Variants in TTC3 observed in about 807,000 individuals in gnomAD.
TTC3 encodes E3 ubiquitin-protein ligase TTC3.
In TTC3, 180 loss-of-function variants were observed where a neutral mutation model predicts 249.6. That is an observed-to-expected ratio of 0.72 (90% CI 0.64 to 0.82). The LOEUF (loss-of-function observed/expected upper bound fraction) is 0.82. Ranked by LOEUF, TTC3 falls within the 40% of genes least tolerant of loss-of-function variation. TTC3 has a pLI of 0.00. For missense variants in TTC3, 2,061 were observed against 2,398.4 expected, an observed-to-expected ratio of 0.86 and a Z score of 2.94; for synonymous variants, 717 against 805.0, an observed-to-expected ratio of 0.89 and a Z score of 1.85.
chr21:37,192,213 G>A (rs376733829), exon 41 of TTC3: 160 of 1,587,762 alleles, frequency 1.0e-4, no homozygotes, highest in Middle Eastern at 1.7e-4. Context: ...CCTGTAACAC[G>A]GTAAGTCTAG....
intron 10 of TTC3, chr21:37,107,770 T>A (rs1316196454): frequency 1.3e-5 from 2 of 152,224 alleles, no homozygotes; most frequent in African/African-American, 4.8e-5. Context: ...CATGCAGAAA[T>A]AGTACAGAAA....
chr21:37,078,831 G>A (rs1048877627), intron 1 of TTC3, among the ~76,000 whole-genome samples: 7 of 151,960 alleles, frequency 4.6e-5, no homozygotes, highest in Non-Finnish European at 8.8e-5. Flanking sequence ...TTATACTTAC[G>A]TTCAATGGAA....
At chr21:37,148,933 C>T (rs1201440288) in intron 23 of TTC3, among the ~76,000 whole-genome samples, 1 of 139,180 alleles carries the variant, frequency 7.2e-6, no homozygotes, top group East Asian at 2.5e-4. Context: ...CCCAAGTGAT[C>T]CTACTTCAGC....
chr21:37,150,043 C>A (rs1281814342), intron 23 of TTC3, 35 bp from the exon 24 acceptor site: 1 of 1,448,656 alleles, frequency 6.9e-7, no homozygotes, highest in Non-Finnish European at 9.5e-7. Context: ...CTAGACATAA[C>A]ATTTTTCTTG....
chr21:37,175,945 A>G (rs940800663), intron 35 of TTC3, among the ~76,000 whole-genome samples: 22 of 151,560 alleles, frequency 1.5e-4, no homozygotes, highest in African/African-American at 4.8e-4. Flanking sequence ...TAATTTTTGT[A>G]TTTTTAGTAG....
intron 11 of TTC3, among the ~76,000 whole-genome samples, chr21:37,116,911 T>C (rs1187228658): frequency 6.6e-6 from 1 of 152,154 alleles, no homozygotes; most frequent in African/African-American, 2.4e-5. Flanking sequence ...TTTACGTAAT[T>C]TAAAAAAAGC....
chr21:37,169,188 T>G (rs1438783577), intron 34 of TTC3, among the ~76,000 whole-genome samples: 1 of 152,194 alleles, frequency 6.6e-6, no homozygotes, highest in African/African-American at 2.4e-5. Flanking sequence ...CTGCACAGGA[T>G]TAATTTGAAA....
intron 17 of TTC3, among the ~76,000 whole-genome samples, chr21:37,134,189 C>T (rs2077717311): frequency 6.6e-6 from 1 of 152,088 alleles, no homozygotes; most frequent in South Asian, 2.1e-4. Flanking sequence ...CAGGGTCTCA[C>T]ACCTGTAATC....
intron 14 of TTC3, among the ~76,000 whole-genome samples, chr21:37,125,745 T>C (rs1238832042): frequency 1.3e-5 from 2 of 152,124 alleles, no homozygotes; most frequent in Non-Finnish European, 2.9e-5. Flanking sequence ...ATTTATATTT[T>C]AAAAATAGTT....
At chr21:37,135,310 C>A in intron 17 of TTC3, 70 bp from the exon 18 acceptor site, 1 of 1,484,112 alleles carries the variant, frequency 6.7e-7, no homozygotes, top group Non-Finnish European at 9.1e-7. Context: ...TTACTATGAA[C>A]TTGGCATCTT....
intron 34 of TTC3, among the ~76,000 whole-genome samples, chr21:37,170,850 T>A (rs1055768150): frequency 1.3e-5 from 2 of 152,194 alleles, no homozygotes; most frequent in African/African-American, 4.8e-5. Flanking sequence ...CCATCACTCA[T>A]GTTAATATTT....
chr21:37,143,762 T>C (rs2147975117), intron 20 of TTC3, among the ~76,000 whole-genome samples: 1 of 143,900 alleles, frequency 6.9e-6, no homozygotes. Context: ...CAAAGGATTA[T>C]AAATCATGCT....
intron 32 of TTC3, among the ~76,000 whole-genome samples, chr21:37,164,919 C>T (rs1456839989): frequency 5.9e-5 from 9 of 152,182 alleles, no homozygotes; most frequent in African/African-American, 2.2e-4. Flanking sequence ...GCCCTTTCTT[C>T]TGTTTTCCTG....
intron 39 of TTC3, among the ~76,000 whole-genome samples, chr21:37,190,828 G>A (rs2083997751): frequency 6.6e-6 from 1 of 152,160 alleles, no homozygotes; most frequent in Non-Finnish European, 1.5e-5. Context: ...TCTCAATTAG[G>A]AGTAGTCAAT....
chr21:37,126,124 T>G, exon 15 of TTC3: 1 of 1,611,390 alleles, frequency 6.2e-7, no homozygotes, highest in East Asian at 2.2e-5. Flanking sequence ...ACTGTCATCC[T>G]GAATTTTCAC....
chr21:37,155,632 C>T (rs556894936), intron 27 of TTC3, among the ~76,000 whole-genome samples: 47 of 152,294 alleles, frequency 3.1e-4, no homozygotes, highest in East Asian at 9.6e-4. Context: ...CTAAGGCCCT[C>T]GGAAGAAGTG....
Position 37,094,099 on chromosome 21 carries a change from G to T in TTC3, c.687+9G>T. The T allele has an allele frequency of 6.6e-7, 1 of 1,503,930 alleles. No homozygotes were observed. Among genetic ancestry groups the T allele is most frequent in the African/African-American group, 1.4e-5 (1 of 71,168 alleles). 93.2% of individuals were successfully genotyped at this position (1,503,930 alleles called of 1,614,324 possible). ...GTATGGATTGTATAGAGGTGAGAAT[G>T]AATATTATAAATATATTTTAAGATT... is the stretch of plus-strand genomic sequence containing the variant. On this transcript the variant is annotated intron_variant, in intron 8 of 45. Transcript: ENST00000355666.
exon 26 of TTC3, chr21:37,152,005 C>G (rs755074663): frequency 6.3e-6 from 10 of 1,592,806 alleles, no homozygotes; most frequent in Non-Finnish European, 8.5e-6. Context: ...AGAAAGTAAT[C>G]CACCCAAAAA....
exon 32 of TTC3, chr21:37,164,111 A>G (rs1218342099): frequency 1.2e-6 from 2 of 1,613,560 alleles, no homozygotes; most frequent in East Asian, 2.2e-5. Flanking sequence ...GGCAAGATGT[A>G]GAAGAATTCG....
Sources: gnomAD v4.1 joint callset for allele counts (sites outside exome capture counted in the v4.1 genomes callset) on GRCh38, gnomAD v4.1.1 for gene constraint, MANE v1.5 for transcripts, NCBI Gene and HGNC (gene_info 2026-07-23, HGNC 2026-07-21) for gene names.